Variants in CTNNA2 observed in about 807,000 individuals in gnomAD.
The protein encoded by CTNNA2 is catenin alpha-2.
Under a neutral mutation model 101.0 loss-of-function variants are expected in CTNNA2, and 42 were observed. The ratio of observed to expected loss-of-function variants is 0.42; its 90% CI spans 0.32 to 0.54. The LOEUF (loss-of-function observed/expected upper bound fraction) is 0.54. Ranked by LOEUF, CTNNA2 falls within the 20% of genes least tolerant of loss-of-function variation. The pLI is 0.14. For synonymous variants in CTNNA2, 450 were observed against 456.4 expected (o/e 0.99, Z 0.18); for missense variants, 871 against 1,223.1 (o/e 0.71, Z 4.29).
chr2:79,636,299 A>G (rs1224000066), intron 1 of CTNNA2, among the ~76,000 whole-genome samples: 1 of 143,416 alleles, frequency 7.0e-6, no homozygotes, highest in South Asian at 2.2e-4. Context: ...AAAAAAAAAA[A>G]GGAAGAAAAA....
At chr2:80,290,947 T>C (rs1469259781) in intron 7 of CTNNA2, among the ~76,000 whole-genome samples, 1 of 152,208 alleles carries the variant, frequency 6.6e-6, no homozygotes, top group Non-Finnish European at 1.5e-5. Flanking sequence ...GCTCTAGCAT[T>C]CCCTGCTAGT....
rs1374438178 is a variant in CTNNA2, at chr2:80,066,127, T to C, written c.1056+156330T>C. Reference sequence around the variant, plus strand: ...ACTTTTGTTTAAAATTACCCTCACATTGAGTAGAGTTGACTTGTGTAACTC... The same window carrying C: ...ACTTTTGTTTAAAATTACCCTCACACTGAGTAGAGTTGACTTGTGTAACTC... On this transcript the variant is annotated intron_variant, in intron 7 of 18. Coordinates refer to ENST00000402739, the MANE Select transcript of CTNNA2 (RefSeq NM_001282597.3). Among the ~76,000 whole-genome samples, 4 of 152,168 alleles carry C rather than the reference T, an allele frequency of 2.6e-5. No individual in the cohort carries two copies. The East Asian group carries it at 5.8e-4, about 22-fold the overall frequency.
chr2:79,982,535 G>A (rs1277671813), intron 7 of CTNNA2, among the ~76,000 whole-genome samples: 1 of 149,058 alleles, frequency 6.7e-6, no homozygotes, highest in Non-Finnish European at 1.5e-5. Flanking sequence ...ATATTTTGTA[G>A]AAATGGGGTC....
intron 7 of CTNNA2, among the ~76,000 whole-genome samples, chr2:79,940,498 G>A (rs1285378824): frequency 1.3e-5 from 2 of 152,140 alleles, no homozygotes; most frequent in African/African-American, 4.8e-5. Flanking sequence ...TTCTATCCCT[G>A]TGCTTCCTCT....
intron 3 of CTNNA2, among the ~76,000 whole-genome samples, chr2:79,819,319 C>T (rs1013040279): frequency 7.9e-5 from 12 of 152,142 alleles, no homozygotes; most frequent in Non-Finnish European, 1.3e-4. Context: ...TTCCTCTGTG[C>T]GCCATTACTT....
chr2:80,538,072 G>A (rs1228102981), intron 9 of CTNNA2, among the ~76,000 whole-genome samples: 1 of 151,554 alleles, frequency 6.6e-6, no homozygotes, highest in Non-Finnish European at 1.5e-5. Flanking sequence ...CTTTTTGATA[G>A]GGTTGTTTTT....
At chr2:80,449,912 A>G in intron 9 of CTNNA2, among the ~76,000 whole-genome samples, 1 of 152,198 alleles carries the variant, frequency 6.6e-6, no homozygotes, top group East Asian at 1.9e-4. Context: ...AGAATGAGAA[A>G]TGAGAGTTGA....
chr2:79,654,247 C>T (rs1681456785), intron 2 of CTNNA2, among the ~76,000 whole-genome samples: 1 of 152,230 alleles, frequency 6.6e-6, no homozygotes, highest in African/African-American at 2.4e-5. Flanking sequence ...AGCAGCGCCC[C>T]ACTTCCAAGT....
chr2:79,240,453 A>T (rs980726917), intron 2 of CTNNA2, among the ~76,000 whole-genome samples: 1 of 152,024 alleles, frequency 6.6e-6, no homozygotes, highest in Non-Finnish European at 1.5e-5. Context: ...GCTCCCACTT[A>T]TAAGTGAGAA....
rs13413062 is a variant in CTNNA2, at chr2:79,577,747, A to G, written c.-6+64540A>G. On this transcript the variant is annotated intron_variant, in intron 1 of 18. Transcript: ENST00000402739. ...GACATTTTAAGGTGTTGCCAACTCA[A>G]TAGTGCTGTCTCTTTGCATGTGTTT... Among the ~76,000 whole-genome samples, 264 of 152,240 alleles carry G rather than the reference A, an allele frequency of 1.7e-3. 1 individual carries two copies. The highest frequency in any genetic ancestry group is 7.2e-3 in the South Asian group (35 of 4,828).
intron 3 of CTNNA2, among the ~76,000 whole-genome samples, chr2:79,805,589 G>C (rs1387479588): frequency 6.6e-6 from 1 of 151,948 alleles, no homozygotes; most frequent in South Asian, 2.1e-4. Context: ...CATTGTCTCA[G>C]AAGGTAATTT....
chr2:79,810,087 T>C (rs1202390637), intron 3 of CTNNA2, among the ~76,000 whole-genome samples: 1 of 152,200 alleles, frequency 6.6e-6, no homozygotes, highest in Non-Finnish European at 1.5e-5. Flanking sequence ...TAACCTTAAA[T>C]GTAAATGGGC....
intron 7 of CTNNA2, among the ~76,000 whole-genome samples, chr2:80,105,991 A>G (rs1226337659): frequency 1.3e-5 from 2 of 152,184 alleles, no homozygotes; most frequent in Non-Finnish European, 2.9e-5. Flanking sequence ...TAACAGTCCA[A>G]TGACAATGAA....
intron 4 of CTNNA2, among the ~76,000 whole-genome samples, chr2:79,427,671 T>C (rs1165419440): frequency 6.6e-6 from 1 of 151,858 alleles, no homozygotes. Context: ...CTTCAGGGAA[T>C]TGAGTCTCTT....
intron 7 of CTNNA2, among the ~76,000 whole-genome samples, chr2:80,365,469 AT>A (rs1346635054): frequency 6.6e-6 from 1 of 152,016 alleles, no homozygotes; most frequent in Non-Finnish European, 1.5e-5. Context: ...TTTTTTAAAA[AT>A]GTACTCATCA....
intron 7 of CTNNA2, among the ~76,000 whole-genome samples, chr2:80,223,723 C>G (rs1351397430): frequency 3.3e-5 from 5 of 152,136 alleles, no homozygotes; most frequent in Non-Finnish European, 7.3e-5. Flanking sequence ...CTAAAAGCAA[C>G]TTTGCTTTCT....
intron 6 of CTNNA2, among the ~76,000 whole-genome samples, chr2:79,885,109 G>C (rs139599384): frequency 6.6e-6 from 1 of 152,058 alleles, no homozygotes. Context: ...CCATTTAAGG[G>C]ACATTAAGAG....
chr2:80,120,480 G>C (rs1701771006), intron 7 of CTNNA2, among the ~76,000 whole-genome samples: 1 of 152,150 alleles, frequency 6.6e-6, no homozygotes, highest in African/African-American at 2.4e-5. Flanking sequence ...GGATGAACTT[G>C]AGACTAAGGA....
chr2:79,571,401 A>T (rs1305937094), intron 1 of CTNNA2, among the ~76,000 whole-genome samples: 2 of 152,160 alleles, frequency 1.3e-5, no homozygotes, highest in Non-Finnish European at 2.9e-5. Flanking sequence ...CCTGATAGAT[A>T]CCCAGAGTGT....
Sources: gnomAD v4.1 joint callset for allele counts (sites outside exome capture counted in the v4.1 genomes callset) on GRCh38, gnomAD v4.1.1 for gene constraint, MANE v1.5 for transcripts, NCBI Gene and HGNC (gene_info 2026-07-23, HGNC 2026-07-21) for gene names.